The following TTC28 variants were observed in gnomAD, a reference collection of about 807,000 sequenced individuals.
The protein encoded by TTC28 is tetratricopeptide repeat domain 28.
A neutral mutation model predicts 198.0 loss-of-function variants in TTC28; 61 were observed. The observed-to-expected ratio is 0.31, with a 90% CI of 0.25 to 0.38. The LOEUF is 0.38. Ranked by LOEUF, TTC28 falls within the 10% of genes least tolerant of loss-of-function variation. The pLI, the probability that TTC28 is intolerant of heterozygous loss-of-function variation, is 1.00. For synonymous variants in TTC28, 1,171 were observed against 1,297.8 expected (o/e 0.90, Z 2.10); for missense variants, 2,678 against 3,164.0 (o/e 0.85, Z 3.69).
intron 2 of TTC28, among the ~76,000 whole-genome samples, chr22:28,387,518 T>A (rs2046629870): frequency 1.3e-5 from 2 of 152,216 alleles, no homozygotes; most frequent in Admixed American, 1.3e-4. Context: ...GTTTCCTGAC[T>A]CTTTAATGAT....
intron 6 of TTC28, 53 bp from the exon 7 acceptor site, chr22:28,108,456 G>T (rs1942389905): frequency 7.4e-7 from 1 of 1,356,512 alleles, no homozygotes; most frequent in Non-Finnish European, 9.5e-7. Flanking sequence ...GATTTGCAAT[G>T]TAGAAAGAAA....
At chr22:28,561,615 C>T (rs1312472592) in intron 2 of TTC28, among the ~76,000 whole-genome samples, 2 of 152,110 alleles carry the variant, frequency 1.3e-5, no homozygotes, top group Non-Finnish European at 2.9e-5. Flanking sequence ...AGTTCCCCAT[C>T]GCCTCTTAGG....
chr22:28,179,802 C>A (rs1419071915), intron 5 of TTC28, among the ~76,000 whole-genome samples: 1 of 152,098 alleles, frequency 6.6e-6, no homozygotes, highest in Non-Finnish European at 1.5e-5. Context: ...TATATCCTGG[C>A]CAATCCTGAC....
At chr22:28,456,629 G>A (rs939079005) in intron 2 of TTC28, among the ~76,000 whole-genome samples, 1 of 152,072 alleles carries the variant, frequency 6.6e-6, no homozygotes, top group Non-Finnish European at 1.5e-5. Flanking sequence ...GGTTTGGAGT[G>A]CAGTGGCATG....
At chr22:28,399,603 C>A (rs777170043) in intron 2 of TTC28, among the ~76,000 whole-genome samples, 19 of 152,066 alleles carry the variant, frequency 1.2e-4, no homozygotes, top group Non-Finnish European at 2.5e-4. Flanking sequence ...CTACGCCCAG[C>A]CTAGAAACTT....
intron 1 of TTC28, among the ~76,000 whole-genome samples, chr22:28,644,970 C>A (rs1160912806): frequency 1.3e-5 from 2 of 151,540 alleles, no homozygotes; most frequent in Non-Finnish European, 2.9e-5. Context: ...ACAGTGAAAC[C>A]CCATCTCTAC....
chr22:28,028,575 T>C (rs557251812), intron 13 of TTC28, among the ~76,000 whole-genome samples: 79 of 152,340 alleles, frequency 5.2e-4, no homozygotes, highest in African/African-American at 1.8e-3. Flanking sequence ...GATGCCTGAC[T>C]GTCTGCTTTG....
chr22:28,104,237 T>C (rs7292193), intron 8 of TTC28, among the ~76,000 whole-genome samples: 1,723 of 152,350 alleles, frequency 0.011, 30 homozygotes, highest in Middle Eastern at 0.034. Flanking sequence ...GGATCTTGTA[T>C]GGTTTCTGGG....
chr22:28,094,901 T>C (rs918921437), intron 11 of TTC28, among the ~76,000 whole-genome samples: 1 of 152,130 alleles, frequency 6.6e-6, no homozygotes, highest in Non-Finnish European at 1.5e-5. Context: ...AAAACGCCGG[T>C]CCTCTCTGAT....
At chr22:28,025,700 CA>C in intron 13 of TTC28, among the ~76,000 whole-genome samples, 1 of 152,168 alleles carries the variant, frequency 6.6e-6, no homozygotes, top group African/African-American at 2.4e-5. Context: ...CCTGTTGCTA[CA>C]AAAAAATAAT....
At chr22:28,590,648 A>G (rs564098320) in intron 2 of TTC28, among the ~76,000 whole-genome samples, 2 of 152,256 alleles carry the variant, frequency 1.3e-5, no homozygotes, top group Non-Finnish European at 2.9e-5. Flanking sequence ...AATCTGTAAG[A>G]AGTCCTAATC....
At chr22:28,215,825 T>G (rs1236995589) in intron 5 of TTC28, among the ~76,000 whole-genome samples, 8 of 152,226 alleles carry the variant, frequency 5.3e-5, no homozygotes, top group African/African-American at 1.7e-4. Context: ...TCATTAGGAA[T>G]GGTGCAAATA....
intron 2 of TTC28, among the ~76,000 whole-genome samples, chr22:28,517,901 A>C (rs915038314): frequency 3.9e-5 from 6 of 152,060 alleles, no homozygotes; most frequent in Admixed American, 3.9e-4. Context: ...CTCTTGTCCG[A>C]AGTTTTAATT....
chr22:28,409,943 A>G (rs954188033), intron 2 of TTC28, among the ~76,000 whole-genome samples: 3 of 149,008 alleles, frequency 2.0e-5, no homozygotes, highest in African/African-American at 7.4e-5. Context: ...TTTTTTTGAG[A>G]CAGAGTCTCG....
Position 28,107,574 on chromosome 22 carries a change from A to G in TTC28, c.2271T>C (p.Tyr757=), listed in dbSNP as rs1173512086. ...VKDRRLEASA[Y]AALGTAYRMI... ...TTCGGTATGCAGTGCCCAGGGCTGC[A>G]TATGCACTGGCTTCTAATCTTCTGT... Residue 757 remains tyrosine, a synonymous_variant, in exon 7 of 23, where the codon TAT becomes TAC. Coordinates refer to ENST00000397906, the MANE Select transcript of TTC28 (RefSeq NM_001145418.2). 6.4e-7 allele frequency: 1 copy of G among 1,551,674 alleles called. No individual in the cohort carries two copies. Among genetic ancestry groups the G allele is most frequent in the East Asian group, 2.4e-5 (1 of 40,926 alleles).
At position 28,551,732 on chromosome 22, in the gene TTC28, G is replaced by T. The variant is rs541653420; in HGVS notation, c.381+77820C>A. ...CAGCATAGAAGGGACATACTTTAAT[G>T]TAATAAAAGCCATCTTCGACAAACC... On this transcript the variant is annotated intron_variant, in intron 2 of 22. Coordinates refer to ENST00000397906, the MANE Select transcript of TTC28 (RefSeq NM_001145418.2). Among the ~76,000 whole-genome samples, 8 of 152,214 alleles carry T rather than the reference G, an allele frequency of 5.3e-5. No individual in the cohort carries two copies. The East Asian group carries it at 1.5e-3, about 29-fold the overall frequency.
chr22:28,063,336 G>A (rs1412463279), intron 12 of TTC28, among the ~76,000 whole-genome samples: 1 of 152,150 alleles, frequency 6.6e-6, no homozygotes, highest in African/African-American at 2.4e-5. Context: ...CAGAATGGCT[G>A]TAGTTTACTA....
At chr22:28,626,192 A>T (rs1041677526) in intron 2 of TTC28, among the ~76,000 whole-genome samples, 2 of 152,122 alleles carry the variant, frequency 1.3e-5, no homozygotes, top group Non-Finnish European at 2.9e-5. Flanking sequence ...AGCTGGAGAT[A>T]AGGTACCTGC....
At chr22:28,279,033 G>A (rs980075495) in intron 5 of TTC28, among the ~76,000 whole-genome samples, 3 of 151,952 alleles carry the variant, frequency 2.0e-5, no homozygotes, top group Non-Finnish European at 4.4e-5. Flanking sequence ...TAGAATTACT[G>A]CTCATCCTTC....
Sources: allele counts gnomAD v4.1 joint callset (sites outside exome capture counted in the v4.1 genomes callset), GRCh38; gene constraint gnomAD v4.1.1; transcripts MANE v1.5; gene names NCBI Gene and HGNC (gene_info 2026-07-23, HGNC 2026-07-21).